The following USO1 variants were observed in gnomAD, a reference collection of about 807,000 sequenced individuals.
USO1 encodes general vesicular transport factor p115.
USO1 carries 57 observed loss-of-function variants against 124.5 expected under a neutral mutation model. The ratio of observed to expected loss-of-function variants is 0.46; its 90% CI spans 0.37 to 0.57. The LOEUF (loss-of-function observed/expected upper bound fraction) is 0.57, where lower values mean the gene tolerates loss of function less well. USO1 is among the 20% of genes least tolerant of loss of function. USO1 has a pLI of 0.00. For missense variants in USO1, 900 were observed against 1,040.6 expected, an observed-to-expected ratio of 0.86 and a Z score of 1.86; for synonymous variants, 369 against 362.8, an observed-to-expected ratio of 1.02 and a Z score of -0.19.
intron 4 of USO1, among the ~76,000 whole-genome samples, chr4:75,761,620 GT>G (rs1394102957): frequency 1.1e-4 from 16 of 152,026 alleles, no homozygotes; most frequent in African/African-American, 3.9e-4. Context: ...GAACTCACTA[GT>G]TTTTTTATTT....
chr4:75,807,419 A>T (rs1723028388), intron 20 of USO1, among the ~76,000 whole-genome samples: 1 of 151,162 alleles, frequency 6.6e-6, no homozygotes, highest in African/African-American at 2.4e-5. Flanking sequence ...ATCCTCACTA[A>T]CCTAGGACTA....
At chr4:75,802,630 G>T (rs1165952548) in intron 17 of USO1, among the ~76,000 whole-genome samples, 1 of 150,736 alleles carries the variant, frequency 6.6e-6, no homozygotes, top group Non-Finnish European at 1.5e-5. Context: ...ATAATGTAAT[G>T]AAATTTGTCA....
At chr4:75,741,548 C>G (rs1051700105) in intron 1 of USO1, among the ~76,000 whole-genome samples, 1 of 144,688 alleles carries the variant, frequency 6.9e-6, no homozygotes, top group Admixed American at 6.9e-5. Flanking sequence ...TATTTTTCTT[C>G]TATATCCTTC....
At chr4:75,797,778 AC>A (rs1722731661) in intron 13 of USO1, among the ~76,000 whole-genome samples, 1 of 151,976 alleles carries the variant, frequency 6.6e-6, no homozygotes, top group African/African-American at 2.4e-5. Context: ...AGTAGCTGGG[AC>A]TACAGGCGCG....
Position 75,732,876 on chromosome 4 carries a change from TAAAAAAAA to T in USO1, c.66+8006_66+8013del, listed in dbSNP as rs3059597. 9.5e-4 allele frequency among the ~76,000 whole-genome samples: 46 copies of T among 48,186 alleles called. No homozygotes were observed. The East Asian group carries it at 0.035, about 36-fold the overall frequency. 31.6% of individuals were successfully genotyped at this position (48,186 alleles called of 152,430 possible). A position where few individuals can be genotyped will look rare whatever the true frequency, so the allele number is the denominator to read the frequency against. ...CCTGGCGACAGAGCGAGATTCCATC[TAAAAAAAA>T]AAAAAAAAAAAAAAGTCATAGTTGG... On this transcript the variant is annotated intron_variant, in intron 1 of 23. Transcript: ENST00000514213.
chr4:75,793,520 C>T (rs958916125), intron 12 of USO1, among the ~76,000 whole-genome samples, 170 bp from the exon 13 acceptor site: 2 of 152,166 alleles, frequency 1.3e-5, no homozygotes, highest in Non-Finnish European at 2.9e-5. Flanking sequence ...CTTTGAAAAG[C>T]AGACTTTTAT....
At chr4:75,803,180 T>G (rs1231174723) in intron 17 of USO1, among the ~76,000 whole-genome samples, 1 of 151,572 alleles carries the variant, frequency 6.6e-6, no homozygotes, top group Non-Finnish European at 1.5e-5. Context: ...TAAATTGTAT[T>G]GCATCTACTT....
chr4:75,798,576 A>G (rs573190303), intron 13 of USO1, among the ~76,000 whole-genome samples: 133 of 152,230 alleles, frequency 8.7e-4, no homozygotes, highest in Non-Finnish European at 1.8e-3. Context: ...TCATTTGAAG[A>G]GGTCCTGTTT....
Position 75,737,181 on chromosome 4 carries a change from C to T in USO1, c.66+12296C>T, listed in dbSNP as rs1050769397. 4.9e-4 allele frequency among the ~76,000 whole-genome samples: 75 copies of T among 152,154 alleles called. 1 individual carries two copies. The highest frequency in any genetic ancestry group is 8.3e-4 in the South Asian group (4 of 4,830). Reference sequence around the variant, plus strand: ...TCACTACTTACTTTATAAATGTGGACGAGTTACTTAACCACTGTGCCTCTG... The same window carrying T: ...TCACTACTTACTTTATAAATGTGGATGAGTTACTTAACCACTGTGCCTCTG... On this transcript the variant is annotated intron_variant, in intron 1 of 23. Coordinates refer to ENST00000514213, the MANE Select transcript of USO1 (RefSeq NM_003715.4).
intron 13 of USO1, among the ~76,000 whole-genome samples, chr4:75,798,390 T>TA (rs1722748668): frequency 6.6e-6 from 1 of 152,132 alleles, no homozygotes; most frequent in Non-Finnish European, 1.5e-5. Context: ...GTAACTCGAG[T>TA]AGTTGTAAGT....
At chr4:75,769,141 G>A (rs1346123039) in intron 4 of USO1, among the ~76,000 whole-genome samples, 1 of 152,052 alleles carries the variant, frequency 6.6e-6, no homozygotes, top group Non-Finnish European at 1.5e-5. Context: ...TGACATCTAA[G>A]GTCTAAGCCA....
Position 75,813,551 on chromosome 4 carries a change from A to G in USO1, c.*256A>G, listed in dbSNP as rs1262032021. 7.2e-6 allele frequency: 2 copies of G among 276,882 alleles called. No individual in the cohort carries two copies. The highest frequency in any genetic ancestry group is 2.2e-5 in the African/African-American group (1 of 45,524). The allele number at this position is 276,882 out of a possible 1,614,324, so 17.2% of individuals were successfully genotyped here. A position where few individuals can be genotyped will look rare whatever the true frequency, so the allele number is the denominator to read the frequency against. On this transcript the variant is annotated 3_prime_UTR_variant, in exon 24 of 24. Transcript: ENST00000514213. ...AATTTGCAAAGAGCTTCAAACACCA[A>G]AAATATACCATTTTAAGGCATGTGG... is the stretch of plus-strand genomic sequence containing the variant.
chr4:75,778,791 T>G (rs145991090), intron 8 of USO1, among the ~76,000 whole-genome samples: 45 of 152,328 alleles, frequency 3.0e-4, no homozygotes, highest in African/African-American at 9.4e-4. Flanking sequence ...TAATAGTGTA[T>G]TAGTATTCAT....
In USO1 at chr4:75,813,236, G is replaced by A; in HGVS notation, c.2830G>A (p.Asp944Asn). Residue 944 changes from aspartate (D) to asparagine (N), a missense_variant, in exon 24 of 24, where the codon GAC (aspartate) becomes AAC (asparagine). Physicochemically the swap from Asp to Asn is conservative, Grantham distance 23 (BLOSUM62 1). Around this residue, in one of 2 missense-constraint regions of USO1, gnomAD observed 362 missense variants for 359.0 expected, o/e 1.01. Coordinates refer to ENST00000514213, the MANE Select transcript of USO1 (RefSeq NM_003715.4). ...AGAAGAGGATGAACTTGAATCTGGAGACCAAGAGGATGAGGATGATGAAAG... is the reference window on the plus strand; with the variant it reads ...AGAAGAGGATGAACTTGAATCTGGAAACCAAGAGGATGAGGATGATGAAAG... The part of the protein sequence containing the change: ...VEEEDELESG[D>N]QEDEDDESED... 1 of 1,610,586 alleles carries A rather than the reference G, an allele frequency of 6.2e-7. No homozygotes were observed. The highest frequency in any genetic ancestry group is 8.5e-7 in the Non-Finnish European group (1 of 1,178,890).
In USO1 at chr4:75,724,762, G is replaced by A. The variant is rs1720340771; in HGVS notation, c.-58G>A. On this transcript the variant is annotated 5_prime_UTR_variant, in exon 1 of 24. Coordinates refer to ENST00000514213, the MANE Select transcript of USO1 (RefSeq NM_003715.4). ...GGGCCCAGGCCCTGCGGAGGGCGGGGGAAGTTGTCTTCTTTTTTTTCCGGA... is the reference window on the plus strand; with the variant it reads ...GGGCCCAGGCCCTGCGGAGGGCGGGAGAAGTTGTCTTCTTTTTTTTCCGGA... 3 of 1,585,340 alleles carry A rather than the reference G, an allele frequency of 1.9e-6. No homozygotes were observed. The highest frequency in any genetic ancestry group is 2.7e-5 in the African/African-American group (2 of 74,474).
At chr4:75,747,201 G>A (rs1001161390) in intron 1 of USO1, among the ~76,000 whole-genome samples, 1 of 152,152 alleles carries the variant, frequency 6.6e-6, no homozygotes, top group African/African-American at 2.4e-5. Flanking sequence ...AAAATGAAAA[G>A]GCCATTTTGG....
At chr4:75,763,489 A>G (rs1721680353) in intron 4 of USO1, among the ~76,000 whole-genome samples, 1 of 152,202 alleles carries the variant, frequency 6.6e-6, no homozygotes, top group South Asian at 2.1e-4. Context: ...GGTTAAACAT[A>G]TTAAATACAT....
chr4:75,807,348 CTTA>C (rs1394217107), intron 20 of USO1, among the ~76,000 whole-genome samples: 1 of 151,246 alleles, frequency 6.6e-6, no homozygotes, highest in African/African-American at 2.4e-5. Flanking sequence ...TCCTTTCTTT[CTTA>C]TTATAAAAGA....
At chr4:75,759,242 G>T in intron 4 of USO1, among the ~76,000 whole-genome samples, 1 of 13,716 alleles carries the variant, frequency 7.3e-5, no homozygotes. Flanking sequence ...CTTTTATTAA[G>T]GACCTTTTTT....
Sources: gnomAD v4.1 joint callset for allele counts (sites outside exome capture counted in the v4.1 genomes callset) on GRCh38, gnomAD v4.1.1 for gene constraint, gnomAD v4.1.1 regional missense constraint, MANE v1.5 for transcripts, NCBI Gene and HGNC (gene_info 2026-07-23, HGNC 2026-07-21) for gene names.